The following TMCO5A variants were observed in gnomAD, a reference collection of about 807,000 sequenced individuals.
The protein encoded by TMCO5A is transmembrane and coiled-coil domains 5A.
Under a neutral mutation model 42.3 loss-of-function variants are expected in TMCO5A, and 34 were observed. That is an observed-to-expected ratio of 0.80 (90% CI 0.61 to 1.07). TMCO5A has a LOEUF of 1.07. Ranked by LOEUF, TMCO5A falls within the 50% of genes least tolerant of loss-of-function variation. The pLI is 0.00. For synonymous variants in TMCO5A, 131 were observed against 115.6 expected, an observed-to-expected ratio of 1.13 and a Z score of -0.86; for missense variants, 357 against 327.9, an observed-to-expected ratio of 1.09 and a Z score of -0.69.
chr15:38,034,349 A>G, the TMCO5A span, among the ~76,000 whole-genome samples: 1 of 152,292 alleles, frequency 6.6e-6, no homozygotes, highest in African/African-American at 2.4e-5. Flanking sequence ...AGAGTCCTAA[A>G]ATAAATCCCT....
the TMCO5A span, among the ~76,000 whole-genome samples, chr15:37,991,133 C>G: frequency 4.7e-4 from 72 of 152,054 alleles, 1 homozygote; most frequent in South Asian, 0.015. Flanking sequence ...AGTTACAAAC[C>G]AAAGTTACAA....
the TMCO5A span, chr15:37,993,535 A>G: frequency 1.3e-5 from 2 of 152,006 alleles, no homozygotes; most frequent in African/African-American, 4.8e-5. Context: ...GTTACTTTTG[A>G]ATGTCTTAGA....
intron 9 of TMCO5A, 86 bp from the exon 10 acceptor site, chr15:37,943,255 A>G: frequency 2.3e-6 from 3 of 1,279,020 alleles, no homozygotes; most frequent in Non-Finnish European, 3.3e-6. Context: ...GATTTAGAAT[A>G]TAAAGCTTTT....
chr15:37,987,114 G>A, the TMCO5A span, among the ~76,000 whole-genome samples: 4 of 151,974 alleles, frequency 2.6e-5, no homozygotes, highest in African/African-American at 4.8e-5. Context: ...TGTGTAAGGT[G>A]ATATCTCACC....
the TMCO5A span, among the ~76,000 whole-genome samples, chr15:38,025,834 T>C: frequency 6.6e-6 from 1 of 152,138 alleles, no homozygotes; most frequent in South Asian, 2.1e-4. Flanking sequence ...TGGGGGTGGT[T>C]CCCCCATACT....
At chr15:37,944,453 C>G (rs1335856502) in intron 10 of TMCO5A, 1 of 152,080 alleles carries the variant, frequency 6.6e-6, no homozygotes, top group East Asian at 1.9e-4. Context: ...GTTCAATGAC[C>G]TAGTGATGTC....
downstream of TMCO5A, among the ~76,000 whole-genome samples, chr15:37,968,805 A>C (rs1364040068): frequency 6.6e-6 from 1 of 151,362 alleles, no homozygotes; most frequent in African/African-American, 2.4e-5. Flanking sequence ...CTGGTCTCCA[A>C]CTCCTGACCT....
At chr15:37,994,589 C>T in the TMCO5A span, 1 of 152,206 alleles carries the variant, frequency 6.6e-6, no homozygotes, top group Non-Finnish European at 1.5e-5. Context: ...CTCTGGGATC[C>T]TGCATCTGCA....
the TMCO5A span, among the ~76,000 whole-genome samples, chr15:37,980,390 A>C: frequency 7.9e-5 from 12 of 152,088 alleles, no homozygotes; most frequent in Admixed American, 1.3e-4. Flanking sequence ...CAAGCAGCTC[A>C]TGTCAGTCTA....
chr15:38,036,524 ACACT>A, the TMCO5A span, among the ~76,000 whole-genome samples: 1 of 148,076 alleles, frequency 6.8e-6, no homozygotes, highest in South Asian at 2.2e-4. Context: ...ACACACACAC[ACACT>A]CTACACACTA....
chr15:37,936,386 A>G lies in TMCO5A; in HGVS notation c.63A>G (p.Glu21=), dbSNP rs758811476. The G allele has an allele frequency of 6.2e-7, 1 of 1,613,146 alleles. No individual in the cohort carries two copies. Among genetic ancestry groups the G allele is most frequent in the South Asian group, 1.1e-5 (1 of 91,022 alleles). ...RNIISLNMDL[E]RDTQRIDEAN... ...TTATCAGTTTGAACATGGACCTTGA[A>G]AGGGATACGCAGAGAATAGATGAAG... Residue 21 remains glutamate (E), a synonymous_variant, in exon 3 of 12, where the codon GAA becomes GAG. Coordinates refer to ENST00000319669, the MANE Select transcript of TMCO5A (RefSeq NM_152453.4).
chr15:37,938,676 A>G (rs1889621055), intron 6 of TMCO5A, among the ~76,000 whole-genome samples: 1 of 152,106 alleles, frequency 6.6e-6, no homozygotes, highest in Non-Finnish European at 1.5e-5. Context: ...GCTGAGGTGC[A>G]TGTATGAATT....
intron 2 of TMCO5A, 64 bp from the exon 3 acceptor site, chr15:37,936,250 T>C (rs1195288550): frequency 5.8e-6 from 9 of 1,545,598 alleles, no homozygotes; most frequent in Non-Finnish European, 7.8e-6. Context: ...ATACCCTTTT[T>C]GGCCTGATGA....
At chr15:38,007,981 C>T in the TMCO5A span, among the ~76,000 whole-genome samples, 3 of 145,114 alleles carry the variant, frequency 2.1e-5, no homozygotes, top group Non-Finnish European at 3.0e-5. Flanking sequence ...CTGCAAGCTC[C>T]GCCTCCCAGG....
At chr15:38,003,536 G>A in the TMCO5A span, among the ~76,000 whole-genome samples, 4 of 152,028 alleles carry the variant, frequency 2.6e-5, no homozygotes, top group African/African-American at 9.7e-5. Flanking sequence ...CCAGGAGCCA[G>A]GACCTGGAGT....
chr15:38,001,252 G>A, the TMCO5A span, among the ~76,000 whole-genome samples: 1 of 151,920 alleles, frequency 6.6e-6, no homozygotes, highest in Non-Finnish European at 1.5e-5. Flanking sequence ...TCAATATATA[G>A]TGACCTTCTT....
the TMCO5A span, among the ~76,000 whole-genome samples, chr15:37,982,614 ATATAT>A: frequency 8.2e-5 from 7 of 85,854 alleles, no homozygotes; most frequent in South Asian, 1.1e-3. Context: ...ATATATAATT[ATATAT>A]TATATCTAAC....
chr15:38,029,406 CT>C, the TMCO5A span, among the ~76,000 whole-genome samples: 1 of 144,926 alleles, frequency 6.9e-6, no homozygotes. Context: ...CACACACACA[CT>C]GTGTTTGACT....
the TMCO5A span, among the ~76,000 whole-genome samples, chr15:37,988,205 A>G: frequency 2.6e-5 from 4 of 151,928 alleles, no homozygotes; most frequent in Non-Finnish European, 5.9e-5. Flanking sequence ...GTTTCCTGCT[A>G]CTTTGCTGAA....
Sources: gnomAD v4.1 joint callset for allele counts (sites outside exome capture counted in the v4.1 genomes callset) on GRCh38, gnomAD v4.1.1 for gene constraint, MANE v1.5 for transcripts, NCBI Gene and HGNC (gene_info 2026-07-23, HGNC 2026-07-21) for gene names.